SORCS1: variants seen among roughly 807,000 people sequenced by gnomAD.
SORCS1 encodes VPS10 domain-containing receptor SorCS1.
Under a neutral mutation model 146.1 loss-of-function variants are expected in SORCS1, and 60 were observed. The ratio of observed to expected loss-of-function variants is 0.41; its 90% CI spans 0.33 to 0.51. The LOEUF (loss-of-function observed/expected upper bound fraction) is 0.51. SORCS1 is among the 20% of genes least tolerant of loss of function. SORCS1 has a pLI of 0.21. For synonymous variants in SORCS1, 637 were observed against 584.0 expected, an observed-to-expected ratio of 1.09 and a Z score of -1.31; for missense variants, 1,352 against 1,487.6, an observed-to-expected ratio of 0.91 and a Z score of 1.50.
At chr10:106,925,199 T>G (rs918722794) in intron 2 of SORCS1, among the ~76,000 whole-genome samples, 3 of 152,140 alleles carry the variant, frequency 2.0e-5, no homozygotes, top group African/African-American at 7.2e-5. Context: ...TTGTTTGTTT[T>G]TTTTTTGTAC....
intron 1 of SORCS1, among the ~76,000 whole-genome samples, chr10:107,120,834 C>A (rs1471692014): frequency 6.6e-6 from 1 of 152,090 alleles, no homozygotes; most frequent in East Asian, 1.9e-4. Flanking sequence ...GTAACATGCT[C>A]CTCATAGGGG....
intron 1 of SORCS1, among the ~76,000 whole-genome samples, chr10:107,138,519 TCATCA>T (rs1967533238): frequency 6.6e-6 from 1 of 152,216 alleles, no homozygotes; most frequent in Non-Finnish European, 1.5e-5. Flanking sequence ...TCTACACCAC[TCATCA>T]ATCTTTTACC....
intron 2 of SORCS1, among the ~76,000 whole-genome samples, chr10:106,934,703 T>C (rs1589740075): frequency 6.6e-6 from 1 of 152,242 alleles, no homozygotes; most frequent in South Asian, 2.1e-4. Flanking sequence ...AAATGTGGTA[T>C]ATGTACATCA....
chr10:107,091,657 G>A (rs966126823), intron 1 of SORCS1, among the ~76,000 whole-genome samples: 4 of 152,108 alleles, frequency 2.6e-5, no homozygotes, highest in African/African-American at 9.7e-5. Context: ...ATAAGTCACC[G>A]AGATTCAATC....
Position 106,606,829 on chromosome 10 carries a change from C to T in SORCS1, c.3165+337G>A, listed in dbSNP as rs114019854. Among the ~76,000 whole-genome samples the T allele has an allele frequency of 6.6e-3, 1,005 of 152,274 alleles. 7 individuals carry two copies. The highest frequency in any genetic ancestry group is 0.023 in the African/African-American group (957 of 41,548). ...CAAGATCTGATGGTTTTATATGGGG[C>T]TTTCCCTGCTTCACTCTACACTTCT... is the stretch of plus-strand genomic sequence containing the variant. On this transcript the variant is annotated intron_variant, in intron 23 of 25. Coordinates refer to ENST00000263054, the MANE Select transcript of SORCS1 (RefSeq NM_052918.5).
At chr10:106,902,129 T>C (rs79699129) in intron 2 of SORCS1, among the ~76,000 whole-genome samples, 3,228 of 152,266 alleles carry the variant, frequency 0.021, 45 homozygotes, top group Non-Finnish European at 0.032. Context: ...ATGTAATTAG[T>C]AAAATAGGCA....
At chr10:106,786,102 A>C (rs2136461749) in intron 3 of SORCS1, among the ~76,000 whole-genome samples, 1 of 152,300 alleles carries the variant, frequency 6.6e-6, no homozygotes, top group South Asian at 2.1e-4. Context: ...TTCTATCTCA[A>C]TATACATACC....
intron 5 of SORCS1, among the ~76,000 whole-genome samples, chr10:106,758,792 G>A (rs1858858063): frequency 6.6e-6 from 1 of 152,212 alleles, no homozygotes; most frequent in African/African-American, 2.4e-5. Flanking sequence ...AAGAGACAGA[G>A]TTGAGATCCT....
chr10:106,672,837 C>T (rs371292396), intron 15 of SORCS1, 31 bp downstream of exon 15: 6 of 1,584,722 alleles, frequency 3.8e-6, no homozygotes, highest in African/African-American at 1.3e-5. Flanking sequence ...GCTTCCTGCC[C>T]AGGCCTTAGT....
intron 18 of SORCS1, among the ~76,000 whole-genome samples, chr10:106,639,375 G>A (rs991169495): frequency 2.0e-5 from 3 of 152,202 alleles, no homozygotes; most frequent in Non-Finnish European, 4.4e-5. Context: ...AACTGGAACT[G>A]TCAGTAATGA....
intron 19 of SORCS1, among the ~76,000 whole-genome samples, chr10:106,623,540 G>A (rs1014925166): frequency 2.0e-5 from 3 of 151,602 alleles, no homozygotes; most frequent in East Asian, 2.0e-4. Context: ...CACCACGCCC[G>A]GCTGAGCATT....
Position 106,649,578 on chromosome 10 carries a change from G to A in SORCS1, c.2475+2804C>T, listed in dbSNP as rs188650745. On this transcript the variant is annotated intron_variant, in intron 18 of 25. Coordinates refer to ENST00000263054, the MANE Select transcript of SORCS1 (RefSeq NM_052918.5). ...AGCAGTTTGAATGTAATAGCTCAGT[G>A]ATTTTTCTTTGCACATATTCTTCTT... Among the ~76,000 whole-genome samples the A allele has an allele frequency of 1.2e-3, 187 of 152,276 alleles. No homozygotes were observed. In the Middle Eastern group the frequency reaches 0.031, roughly 25 times the overall value.
chr10:106,895,950 T>C (rs1156875115), intron 2 of SORCS1, among the ~76,000 whole-genome samples: 1 of 45,718 alleles, frequency 2.2e-5, no homozygotes. Context: ...TGTGTGTGTG[T>C]GTATATATAT....
At chr10:107,074,753 T>A (rs1962738652) in intron 1 of SORCS1, among the ~76,000 whole-genome samples, 1 of 152,158 alleles carries the variant, frequency 6.6e-6, no homozygotes, top group Non-Finnish European at 1.5e-5. Context: ...ACATGTGTAG[T>A]GGTATCTTAT....
At chr10:106,878,331 C>T (rs374288518) in intron 2 of SORCS1, among the ~76,000 whole-genome samples, 18 of 151,866 alleles carry the variant, frequency 1.2e-4, no homozygotes, top group African/African-American at 4.1e-4. Context: ...ATGCTATGTT[C>T]TGAATGTTTG....
chr10:106,808,365 T>C (rs994732115), intron 3 of SORCS1, among the ~76,000 whole-genome samples: 8 of 152,148 alleles, frequency 5.3e-5, no homozygotes, highest in African/African-American at 1.9e-4. Context: ...TGCACATCCC[T>C]TTGTGTTTGT....
At chr10:106,743,072 G>A (rs1857471496) in intron 5 of SORCS1, among the ~76,000 whole-genome samples, 1 of 152,088 alleles carries the variant, frequency 6.6e-6, no homozygotes, top group Non-Finnish European at 1.5e-5. Flanking sequence ...CTCATTTTGG[G>A]GTCTGTTTTT....
intron 23 of SORCS1, among the ~76,000 whole-genome samples, chr10:106,602,802 A>C (rs1321583249): frequency 6.6e-6 from 1 of 152,188 alleles, no homozygotes; most frequent in Non-Finnish European, 1.5e-5. Context: ...TGACTCCCCA[A>C]GTTAAAAAGA....
At chr10:106,796,507 G>A (rs1946560994) in intron 3 of SORCS1, among the ~76,000 whole-genome samples, 1 of 152,078 alleles carries the variant, frequency 6.6e-6, no homozygotes, top group Admixed American at 6.6e-5. Flanking sequence ...AGACTCAATT[G>A]CCAATGATAC....
Sources: gnomAD v4.1 joint callset for allele counts (sites outside exome capture counted in the v4.1 genomes callset) on GRCh38, gnomAD v4.1.1 for gene constraint, MANE v1.5 for transcripts, NCBI Gene and HGNC (gene_info 2026-07-23, HGNC 2026-07-21) for gene names.